MYO6: variants seen among roughly 807,000 people sequenced by gnomAD.
MYO6 encodes the protein unconventional myosin-VI.
A neutral mutation model predicts 178.7 loss-of-function variants in MYO6; 74 were observed. That is an observed-to-expected ratio of 0.41 (90% CI 0.34 to 0.50). MYO6 has a LOEUF of 0.50. Ranked by LOEUF, MYO6 falls within the 20% of genes least tolerant of loss-of-function variation. The pLI is 0.09. For missense variants in MYO6, 1,330 were observed against 1,547.4 expected (o/e 0.86, Z 2.36); for synonymous variants, 477 against 504.6 (o/e 0.95, Z 0.73).
chr6:75,768,615 T>C (rs1778652891), intron 1 of MYO6, among the ~76,000 whole-genome samples: 1 of 151,860 alleles, frequency 6.6e-6, no homozygotes. Flanking sequence ...CTCCTGACCT[T>C]AAGTGATCCA....
chr6:75,819,776 A>G (rs1771690532), intron 2 of MYO6, among the ~76,000 whole-genome samples: 1 of 152,246 alleles, frequency 6.6e-6, no homozygotes, highest in Admixed American at 6.5e-5. Context: ...GTTTTAGGCT[A>G]GCTGCAGTGG....
intron 13 of MYO6, among the ~76,000 whole-genome samples, chr6:75,857,716 C>T (rs1261715646): frequency 6.6e-6 from 1 of 152,214 alleles, no homozygotes; most frequent in Admixed American, 6.5e-5. Flanking sequence ...CTGTTGCTGT[C>T]AGCAAGTAGC....
intron 16 of MYO6, among the ~76,000 whole-genome samples, chr6:75,866,286 T>TGGGTGTGTGG (rs1315548564): frequency 6.6e-6 from 1 of 150,922 alleles, no homozygotes; most frequent in South Asian, 2.1e-4. Context: ...TGTGTGTGTG[T>TGGGTGTGTGG]GTGTGTGTGT....
chr6:75,821,606 T>C (rs571837321), intron 2 of MYO6, among the ~76,000 whole-genome samples: 1 of 149,290 alleles, frequency 6.7e-6, no homozygotes, highest in Non-Finnish European at 1.5e-5. Context: ...TGGATTTTAC[T>C]CATTATAGTT....
chr6:75,757,335 A>G (rs1777531747), intron 1 of MYO6, among the ~76,000 whole-genome samples: 1 of 149,452 alleles, frequency 6.7e-6, no homozygotes, highest in Admixed American at 6.7e-5. Context: ...ACATATATAC[A>G]TATACATATA....
chr6:75,791,004 G>T (rs1009487844), intron 1 of MYO6, among the ~76,000 whole-genome samples: 12 of 152,068 alleles, frequency 7.9e-5, no homozygotes, highest in African/African-American at 2.7e-4. Context: ...GTCAATGTCG[G>T]CTCACTGCAA....
chr6:75,883,469 T>C (rs1043928346), intron 23 of MYO6, among the ~76,000 whole-genome samples: 4 of 152,212 alleles, frequency 2.6e-5, no homozygotes, highest in Non-Finnish European at 4.4e-5. Flanking sequence ...TTGCTCTTTT[T>C]GGAATTCTTC....
intron 30 of MYO6, among the ~76,000 whole-genome samples, chr6:75,904,728 C>T (rs1192788451): frequency 4.6e-5 from 7 of 152,298 alleles, no homozygotes; most frequent in Non-Finnish European, 1.0e-4. Context: ...TCTCTCAGCT[C>T]GTCAAAGTCA....
chr6:75,806,139 G>A (rs1770061031), intron 1 of MYO6, among the ~76,000 whole-genome samples: 2 of 152,042 alleles, frequency 1.3e-5, no homozygotes, highest in Middle Eastern at 3.4e-3. Flanking sequence ...AAAAAAAGAG[G>A]TTTATTCTAG....
chr6:75,914,265 C>A lies in MYO6; in HGVS notation c.3642C>A (p.Pro1214=). The A allele has an allele frequency of 6.2e-7, 1 of 1,614,140 alleles. No individual in the cohort carries two copies. The highest frequency in any genetic ancestry group is 8.5e-7 in the Non-Finnish European group (1 of 1,179,988). The change falls in exon 34 of 35, where the codon CCC becomes CCA. Residue 1214 remains proline (P), a synonymous_variant. Coordinates refer to ENST00000369977, the MANE Select transcript of MYO6 (RefSeq NM_004999.4). The part of the protein sequence containing the change: ...RQMELHPDKP[P]ILLVAGKDDM... ...TGGAACTCCATCCTGACAAGCCACC[C>A]ATCCTACTTGTGGCTGGTGTGTATG...
rs370716920 is a variant in MYO6, at chr6:75,855,298, T to A, written c.1223+15T>A. 6.2e-7 allele frequency: 1 copy of A among 1,612,374 alleles called. No homozygotes were observed. The highest frequency in any genetic ancestry group is 8.5e-7 in the Non-Finnish European group (1 of 1,178,998). On this transcript the variant is annotated intron_variant, in intron 12 of 34. Transcript: ENST00000369977. ...ACAGTTATAAAGTAAGTTCCTTAAG[T>A]AATTGCACTGCAAAAATTTTGCCTT...
chr6:75,840,461 C>T (rs1733964902), intron 7 of MYO6, 124 bp from the exon 8 acceptor site: 1 of 735,960 alleles, frequency 1.4e-6, no homozygotes, highest in South Asian at 1.5e-5. Flanking sequence ...GTGTCCCGCC[C>T]ATGTTAATAT....
intron 28 of MYO6, 93 bp from the exon 29 acceptor site, chr6:75,895,138 T>C: frequency 1.1e-6 from 1 of 921,838 alleles, no homozygotes; most frequent in Non-Finnish European, 1.7e-6. Context: ...TTAAAATCAA[T>C]GAGTAAAGTA....
Position 75,886,032 on chromosome 6 carries a change from A to G in MYO6, c.2445A>G (p.Glu815=). 6.2e-7 allele frequency: 1 copy of G among 1,610,452 alleles called. No individual in the cohort carries two copies. Among genetic ancestry groups the G allele is most frequent in the Non-Finnish European group, 8.5e-7 (1 of 1,177,164 alleles). The change falls in exon 24 of 35, where the codon GAA becomes GAG. Residue 815 remains glutamate, a synonymous_variant. Coordinates refer to ENST00000369977, the MANE Select transcript of MYO6 (RefSeq NM_004999.4). Reference sequence around the variant, plus strand: ...AAAACAAAATAAAATATCGAGCTGAAGCCTGCATTAAAATGCAAAAAACTA... The same window carrying G: ...AAAACAAAATAAAATATCGAGCTGAGGCCTGCATTAAAATGCAAAAAACTA... ...KLKNKIKYRA[E]ACIKMQKTIR... is the part of the protein sequence containing the mutation.
At chr6:75,751,787 T>C (rs1776919646) in intron 1 of MYO6, among the ~76,000 whole-genome samples, 1 of 152,096 alleles carries the variant, frequency 6.6e-6, no homozygotes, top group African/African-American at 2.4e-5. Flanking sequence ...ACTTTGACCA[T>C]GTGAGGCTTG....
Position 75,915,050 on chromosome 6 carries a change from A to G in MYO6, c.*38A>G, listed in dbSNP as rs763772326. The G allele has an allele frequency of 2.7e-5, 42 of 1,580,218 alleles. No individual in the cohort carries two copies. Among genetic ancestry groups the G allele is most frequent in the African/African-American group, 4.0e-5 (3 of 74,310 alleles). On this transcript the variant is annotated 3_prime_UTR_variant, in exon 35 of 35. Coordinates refer to ENST00000369977, the MANE Select transcript of MYO6 (RefSeq NM_004999.4). ...AGCCTTACAGCTGGGAGCCTTTGCC[A>G]TGGTACTTAGGTAGGGTGTGTGCCC...
At chr6:75,801,230 A>C (rs1769418770) in intron 1 of MYO6, among the ~76,000 whole-genome samples, 2 of 152,110 alleles carry the variant, frequency 1.3e-5, no homozygotes, top group Non-Finnish European at 2.9e-5. Context: ...CAATCATGGC[A>C]GAAAGTGAAG....
intron 11 of MYO6, among the ~76,000 whole-genome samples, chr6:75,854,275 C>CTTTTTTTTTTTTTTTTTTTTTTTTT (rs61398235): frequency 2.2e-5 from 1 of 45,470 alleles, no homozygotes; most frequent in Non-Finnish European, 3.6e-5. Context: ...AACTGCATTG[C>CTTTTTTTTTTTTTTTTTTTTTTTTT]TTTTTTTTTT....
intron 19 of MYO6, among the ~76,000 whole-genome samples, chr6:75,871,964 TA>T (rs955215170): frequency 2.0e-5 from 3 of 151,592 alleles, no homozygotes; most frequent in Non-Finnish European, 4.4e-5. Flanking sequence ...TCGTCTCTGC[TA>T]AAAAAATACA....
Sources: gnomAD v4.1 joint callset for allele counts (sites outside exome capture counted in the v4.1 genomes callset) on GRCh38, gnomAD v4.1.1 for gene constraint, MANE v1.5 for transcripts, NCBI Gene and HGNC (gene_info 2026-07-23, HGNC 2026-07-21) for gene names.